Variants in SNX30 observed in about 807,000 individuals in gnomAD.
SNX30 encodes the protein sorting nexin-30.
SNX30 carries 24 observed loss-of-function variants against 46.4 expected under a neutral mutation model. The ratio of observed to expected loss-of-function variants is 0.52; its 90% confidence interval spans 0.37 to 0.73. SNX30 has a LOEUF of 0.73. SNX30 is among the 30% of genes least tolerant of loss of function. The pLI is 0.00. For synonymous variants in SNX30, 189 were observed against 211.5 expected (o/e 0.89, Z 0.92); for missense variants, 533 against 555.7 (o/e 0.96, Z 0.41).
At chr9:112,787,635 A>G (rs1435096427) in intron 1 of SNX30, among the ~76,000 whole-genome samples, 1 of 151,902 alleles carries the variant, frequency 6.6e-6, no homozygotes, top group African/African-American at 2.4e-5. Context: ...CTCTCCTAAG[A>G]AGCTTAGATG....
chr9:112,827,363 GAACTTGACGGTAGGCA>G (rs1840593175), intron 3 of SNX30, among the ~76,000 whole-genome samples: 1 of 152,166 alleles, frequency 6.6e-6, no homozygotes, highest in African/African-American at 2.4e-5. Context: ...GAAATGTATA[GAACTTGACGGTAGGCA>G]AACAGCTAGT....
exon 6 of SNX30, chr9:112,881,612 A>T (rs1184171195): frequency 6.6e-6 from 1 of 152,236 alleles, no homozygotes; most frequent in East Asian, 1.9e-4. Flanking sequence ...AGCGTAAGTC[A>T]GCGCTGAGAG....
In SNX30 at chr9:112,850,943, A is replaced by G. The variant is rs1841014713; in HGVS notation, c.1099A>G (p.Lys367Glu). The G allele has an allele frequency of 6.2e-7, 1 of 1,613,620 alleles. No homozygotes were observed. The highest frequency in any genetic ancestry group is 8.5e-7 in the Non-Finnish European group (1 of 1,179,788). Residue 367 changes from lysine to glutamate, a missense_variant and splice_region_variant, in exon 7 of 9, where the codon AAG (lysine) becomes GAG (glutamate). Lys to Glu is a moderately conservative substitution (Grantham distance 56). Around this residue, in one of 3 missense-constraint regions of SNX30, gnomAD observed 261 missense variants for 270.9 expected, o/e 0.96. Coordinates refer to ENST00000374232, the MANE Select transcript of SNX30 (RefSeq NM_001012994.2). Reference sequence around the variant, plus strand: ...GGCTCTGCGGAAGGAAGACCGCCCCAAGGTCAGGGAAGCCACCTGGGAAGG... The same window carrying G: ...GGCTCTGCGGAAGGAAGACCGCCCCGAGGTCAGGGAAGCCACCTGGGAAGG... ...AVALRKEDRP[K>E]VPADVEKCQD...
intron 6 of SNX30, among the ~76,000 whole-genome samples, chr9:112,843,554 G>A (rs1401596856): frequency 6.6e-6 from 1 of 150,980 alleles, no homozygotes; most frequent in East Asian, 2.0e-4. Flanking sequence ...CTGGGGAGTG[G>A]AACCTGGTGA....
upstream of SNX30, chr9:112,750,349 C>T (rs2131338232): frequency 6.6e-6 from 1 of 152,342 alleles, no homozygotes; most frequent in Non-Finnish European, 1.5e-5. Context: ...GGTCGTAATT[C>T]CGTCTATCTA....
intron 7 of SNX30, among the ~76,000 whole-genome samples, chr9:112,851,332 C>A (rs1022553267): frequency 6.6e-6 from 1 of 152,204 alleles, no homozygotes; most frequent in Non-Finnish European, 1.5e-5. Flanking sequence ...CACTTGGAAA[C>A]TTCTATAGGA....
chr9:112,796,894 G>C (rs1361066469), intron 1 of SNX30, among the ~76,000 whole-genome samples: 1 of 151,972 alleles, frequency 6.6e-6, no homozygotes, highest in African/African-American at 2.4e-5. Context: ...TTTCCTGTAC[G>C]TTCTCTTGCA....
intron 8 of SNX30, chr9:112,866,599 C>G: frequency 2.1e-6 from 1 of 465,188 alleles, no homozygotes; most frequent in Non-Finnish European, 4.5e-6. Flanking sequence ...CCTCTCTAAC[C>G]TCAGAGTCAC....
intron 6 of SNX30, among the ~76,000 whole-genome samples, chr9:112,848,302 G>T (rs1840970592): frequency 6.6e-6 from 1 of 152,032 alleles, no homozygotes; most frequent in Non-Finnish European, 1.5e-5. Context: ...CCATAGGCTG[G>T]TTTGACCAAT....
chr9:112,777,600 ATTTTTTTTTTTTTTTTTT>A, intron 1 of SNX30, among the ~76,000 whole-genome samples: 1 of 75,598 alleles, frequency 1.3e-5, no homozygotes, highest in East Asian at 4.4e-4. Flanking sequence ...CTAGTTTTTA[ATTTTTTTTTTTTTTTTTT>A]TTTTTTTTTT....
chr9:112,876,132 G>C (rs1358501459), downstream of SNX30, among the ~76,000 whole-genome samples: 1 of 152,014 alleles, frequency 6.6e-6, no homozygotes, highest in East Asian at 1.9e-4. Flanking sequence ...ACTGAAGGAC[G>C]GTGTCAGATT....
In SNX30 at chr9:112,750,773, C is replaced by A. The variant is rs1255090311; in HGVS notation, c.-229C>A. ...GGGCTGGGCGCCGCGGCCGTGCTGC[C>A]AGCGGACCCGCGGCGGGCTCGGGCG... On this transcript the variant is annotated 5_prime_UTR_variant, in exon 1 of 9. Transcript: ENST00000374232. The A allele has an allele frequency of 6.1e-6, 1 of 162,636 alleles. No homozygotes were observed. The highest frequency in any genetic ancestry group is 2.4e-5 in the African/African-American group (1 of 41,172). The allele number at this position is 162,636 out of a possible 1,614,324, so 10.1% of individuals were successfully genotyped here.
chr9:112,750,687 C>G (rs530346494), upstream of SNX30, among the ~76,000 whole-genome samples: 3 of 151,452 alleles, frequency 2.0e-5, no homozygotes, highest in Admixed American at 6.6e-5. Flanking sequence ...TCCCCGCCCC[C>G]TCCCGGGCGG....
chr9:112,756,355 G>A (rs1338150646), intron 1 of SNX30, among the ~76,000 whole-genome samples: 3 of 151,320 alleles, frequency 2.0e-5, no homozygotes, highest in Admixed American at 6.6e-5. Context: ...TCCTCACCAC[G>A]GGGCTTTAAT....
At chr9:112,854,722 G>A (rs1239427408) in intron 7 of SNX30, among the ~76,000 whole-genome samples, 2 of 152,208 alleles carry the variant, frequency 1.3e-5, no homozygotes, top group Non-Finnish European at 2.9e-5. Context: ...AGAGGAGGGT[G>A]CAGTTGGCAG....
intron 1 of SNX30, 39 bp downstream of exon 1, chr9:112,751,196 G>T: frequency 7.2e-7 from 1 of 1,390,408 alleles, no homozygotes; most frequent in Non-Finnish European, 9.4e-7. Context: ...GGCTTATTTC[G>T]CTCCCCGTGG....
rs1226969552 is a variant in SNX30, at chr9:112,873,159, C to T, written c.*4316C>T. On this transcript the variant is annotated 3_prime_UTR_variant, in exon 9 of 9. Transcript: ENST00000374232. ...AATTTGAGATACATCCTGAGTATGA[C>T]TGTCTAACCCTTTCTGTGTGGCAGA... 1.3e-5 allele frequency: 2 copies of T among 152,172 alleles called. 1 individual carries two copies. Among genetic ancestry groups the T allele is most frequent in the South Asian group, 4.1e-4 (2 of 4,834 alleles). 9.4% of individuals were successfully genotyped at this position (152,172 alleles called of 1,614,324 possible). A position where few individuals can be genotyped will look rare whatever the true frequency, so the allele number is the denominator to read the frequency against.
chr9:112,795,767 A>T (rs10118530), intron 1 of SNX30, among the ~76,000 whole-genome samples: 2,140 of 22,778 alleles, frequency 0.094, 40 homozygotes, highest in African/African-American at 0.17. Context: ...CAGTACAGTC[A>T]CACACACACA....
chr9:112,838,837 T>A (rs931167404), intron 6 of SNX30, 140 bp downstream of exon 6: 1 of 695,842 alleles, frequency 1.4e-6, no homozygotes, highest in Non-Finnish European at 2.4e-6. Context: ...TGGACTGACA[T>A]CATGGACATA....
Sources: allele counts gnomAD v4.1 joint callset (sites outside exome capture counted in the v4.1 genomes callset), GRCh38; gene constraint gnomAD v4.1.1; regional missense constraint gnomAD v4.1.1; transcripts MANE v1.5; gene names NCBI Gene and HGNC (gene_info 2026-07-23, HGNC 2026-07-21).